CD300LD: variants seen among roughly 807,000 people sequenced by gnomAD.
The protein encoded by CD300LD is CD300 molecule like family member d.
CD300LD carries 18 observed loss-of-function variants against 20.3 expected under a neutral mutation model. The observed-to-expected ratio is 0.89, with a 90% CI of 0.61 to 1.32. The LOEUF is 1.32. CD300LD is among the 40% of genes most tolerant of loss of function. CD300LD has a pLI of 0.00. For synonymous variants in CD300LD, 104 were observed against 90.1 expected, an observed-to-expected ratio of 1.15 and a Z score of -0.87; for missense variants, 195 against 226.6, an observed-to-expected ratio of 0.86 and a Z score of 0.90.
In CD300LD at chr17:74,579,435, C is replaced by G. The variant is rs1049197992; in HGVS notation, c.*567G>C. Reference sequence around the variant, plus strand: ...CTCATGTTTTCTACTGCATTGGAGACCTCAGAAGGAAGAAGGGCTCTGTCA... The same window carrying G: ...CTCATGTTTTCTACTGCATTGGAGAGCTCAGAAGGAAGAAGGGCTCTGTCA... On this transcript the variant is annotated 3_prime_UTR_variant, in exon 4 of 4. Transcript: ENST00000375352. The G allele has an allele frequency of 2.6e-5, 4 of 152,364 alleles. No individual in the cohort carries two copies. The highest frequency in any genetic ancestry group is 9.7e-5 in the African/African-American group (4 of 41,388). The allele number at this position is 152,364 out of a possible 1,614,324, so 9.4% of individuals were successfully genotyped here. A position where few individuals can be genotyped will look rare whatever the true frequency, so the allele number is the denominator to read the frequency against.
chr17:74,583,653 C>T (rs2030087520), intron 2 of CD300LD, among the ~76,000 whole-genome samples: 1 of 151,882 alleles, frequency 6.6e-6, no homozygotes, highest in South Asian at 2.1e-4. Flanking sequence ...AGCTTTTGAG[C>T]TGGTTTCTTT....
At chr17:74,588,138 C>G (rs1337858802) in intron 2 of CD300LD, among the ~76,000 whole-genome samples, 1 of 152,178 alleles carries the variant, frequency 6.6e-6, no homozygotes, top group African/African-American at 2.4e-5. Flanking sequence ...CCCAAGGTGG[C>G]TCCAGGCACC....
chr17:74,588,490 C>T (rs754381841), intron 2 of CD300LD, 21 bp downstream of exon 2: 33 of 1,523,646 alleles, frequency 2.2e-5, no homozygotes, highest in South Asian at 1.9e-4. Flanking sequence ...GAGACACACA[C>T]GTATATACAC....
At position 74,579,960 on chromosome 17, in the gene CD300LD, A is replaced by G. The variant is rs566922865; in HGVS notation, c.*42T>C. On this transcript the variant is annotated 3_prime_UTR_variant, in exon 4 of 4. Coordinates refer to ENST00000375352, the MANE Select transcript of CD300LD (RefSeq NM_001115152.2). The stretch of plus-strand genomic sequence containing the variant: ...GCCTTTCGCCCTGGACAGGACGTCA[A>G]TGGGCATTGGGACTCTCATCATCGG... 1.0e-5 allele frequency: 13 copies of G among 1,258,846 alleles called. No homozygotes were observed. In the African/African-American group the frequency reaches 1.2e-4, roughly 11 times the overall value. 78.0% of individuals were successfully genotyped at this position (1,258,846 alleles called of 1,614,324 possible).
chr17:74,585,654 A>G (rs1306526772), intron 2 of CD300LD, among the ~76,000 whole-genome samples: 1 of 152,232 alleles, frequency 6.6e-6, no homozygotes, highest in African/African-American at 2.4e-5. Context: ...TGCTGAAGGA[A>G]TTGAAAGCGA....
chr17:74,580,169 C>G (rs2030002134), intron 3 of CD300LD, 56 bp from the exon 4 acceptor site: 1 of 1,127,182 alleles, frequency 8.9e-7, no homozygotes, highest in South Asian at 1.3e-5. Context: ...GGTCTCAGGT[C>G]TTCTCAGCTC....
rs976431721 is a variant in CD300LD at position 74,580,009 on chromosome 17, C to T, written c.578G>A (p.Arg193Lys). Residue 193 changes from arginine (R) to lysine (K), a missense_variant, in exon 4 of 4, where the codon AGG (arginine) becomes AAG (lysine). Physicochemically the swap from Arg to Lys is conservative, Grantham distance 26. Coordinates refer to ENST00000375352, the MANE Select transcript of CD300LD (RefSeq NM_001115152.2). The part of the protein sequence containing the change: ...TVLWVNRPQR[R>K]S Reference sequence around the variant, plus strand: ...GGGCTGACTCCTCCTCCTTCAAGACCTTCTTTGTGGTCTGTTTACCCAGAG... The same window carrying T: ...GGGCTGACTCCTCCTCCTTCAAGACTTTCTTTGTGGTCTGTTTACCCAGAG... 1 of 1,609,278 alleles carries T rather than the reference C, an allele frequency of 6.2e-7. No individual in the cohort carries two copies. Among genetic ancestry groups the T allele is most frequent in the Non-Finnish European group, 8.5e-7 (1 of 1,177,196 alleles).
intron 2 of CD300LD, among the ~76,000 whole-genome samples, chr17:74,582,665 G>C (rs115397532): frequency 6.6e-6 from 1 of 152,176 alleles, no homozygotes; most frequent in African/African-American, 2.4e-5. Context: ...TGATTCGGCG[G>C]CTGAGCTGGT....
intron 2 of CD300LD, among the ~76,000 whole-genome samples, chr17:74,587,640 T>C (rs547302846): frequency 6.6e-5 from 10 of 152,264 alleles, no homozygotes; most frequent in Admixed American, 2.6e-4. Context: ...ATCTTTTTTT[T>C]CCCTAGTATC....
chr17:74,580,283 C>A (rs1249883165), intron 3 of CD300LD, among the ~76,000 whole-genome samples, 170 bp from the exon 4 acceptor site: 2 of 152,214 alleles, frequency 1.3e-5, no homozygotes, highest in Non-Finnish European at 2.9e-5. Flanking sequence ...ACCAGCGAGG[C>A]TCCCAGTCCT....
In CD300LD at chr17:74,579,904, G is replaced by C. The variant is rs2143266621; in HGVS notation, c.*98C>G. ...TATCTCTAGAAAGAAAAAAAGAAGA[G>C]AAAAGAAAATGTTTTTTCTTCTGTG... is the stretch of plus-strand genomic sequence containing the variant. On this transcript the variant is annotated 3_prime_UTR_variant, in exon 4 of 4. Transcript: ENST00000375352. The C allele has an allele frequency of 2.9e-6, 2 of 694,282 alleles. No homozygotes were observed. The highest frequency in any genetic ancestry group is 2.8e-5 in the East Asian group (1 of 35,120). The allele number at this position is 694,282 out of a possible 1,614,324, so 43.0% of individuals were successfully genotyped here. A position where few individuals can be genotyped will look rare whatever the true frequency, so the allele number is the denominator to read the frequency against.
Position 74,580,041 on chromosome 17 carries a change from C to G in CD300LD, c.546G>C (p.Gly182=). The change falls in exon 4 of 4, where the codon GGG becomes GGC. Residue 182 remains glycine (G), a synonymous_variant. Coordinates refer to ENST00000375352, the MANE Select transcript of CD300LD (RefSeq NM_001115152.2). The part of the protein sequence containing the change: ...LELPLLLSML[G]TVLWVNRPQR... ...GTGGTCTGTTTACCCAGAGGACGGT[C>G]CCCAGCATGCTCAGGAGCAGAGGCA... 6.2e-7 allele frequency: 1 copy of G among 1,613,282 alleles called. No individual in the cohort carries two copies. The highest frequency in any genetic ancestry group is 8.5e-7 in the Non-Finnish European group (1 of 1,179,618).
intron 1 of CD300LD, chr17:74,591,838 G>C (rs1351848053): frequency 4.7e-6 from 1 of 214,694 alleles, no homozygotes; most frequent in Non-Finnish European, 8.6e-6. Context: ...AAAAAAAAAA[G>C]TTCTTCAAGA....
At chr17:74,589,837 G>C (rs888821751) in intron 1 of CD300LD, among the ~76,000 whole-genome samples, 1 of 152,226 alleles carries the variant, frequency 6.6e-6, no homozygotes, top group Non-Finnish European at 1.5e-5. Flanking sequence ...GCACATTGGA[G>C]CACTTGAAGA....
intron 3 of CD300LD, among the ~76,000 whole-genome samples, chr17:74,580,976 A>G (rs1445780338): frequency 6.6e-6 from 1 of 151,838 alleles, no homozygotes; most frequent in Non-Finnish European, 1.5e-5. Context: ...GAGCCCTCAG[A>G]TGATGGGACT....
intron 1 of CD300LD, 77 bp from the exon 2 acceptor site, chr17:74,588,926 G>T: frequency 2.0e-6 from 2 of 996,876 alleles, no homozygotes; most frequent in Admixed American, 2.2e-5. Flanking sequence ...GGGAGTAGCA[G>T]CCAAATCCAA....
chr17:74,579,583 C>G lies in CD300LD; in HGVS notation c.*419G>C. The G allele has an allele frequency of 6.0e-6, 1 of 165,570 alleles. No homozygotes were observed. The highest frequency in any genetic ancestry group is 1.3e-5 in the Non-Finnish European group (1 of 76,404). The allele number at this position is 165,570 out of a possible 1,614,324, so 10.3% of individuals were successfully genotyped here. ...TGCCTCTAGAACCACAGTCAATTCC[C>G]CATAGAAATGTTGTTTTTCTGCCAG... On this transcript the variant is annotated 3_prime_UTR_variant, in exon 4 of 4. Coordinates refer to ENST00000375352, the MANE Select transcript of CD300LD (RefSeq NM_001115152.2).
At position 74,592,213 on chromosome 17, in the gene CD300LD, C is replaced by T. The variant is rs146649830; in HGVS notation, c.-11G>A. On this transcript the variant is annotated 5_prime_UTR_variant, in exon 1 of 4. Transcript: ENST00000375352. ...TGGGGACAGCCACATGGTCCTGTCT[C>T]CTCTCCTCTCCTTGGTGATCACAGG... 1,282 of 1,609,136 alleles carry T rather than the reference C, an allele frequency of 8.0e-4. 1 individual carries two copies. Among genetic ancestry groups the T allele is most frequent in the Non-Finnish European group, 1.0e-3 (1,184 of 1,175,718 alleles).
At chr17:74,580,548 G>A (rs1181259121) in intron 3 of CD300LD, among the ~76,000 whole-genome samples, 2 of 152,186 alleles carry the variant, frequency 1.3e-5, no homozygotes, top group African/African-American at 4.8e-5. Context: ...CTTGGAGGCT[G>A]ACCTTGCTCT....
Sources: allele counts gnomAD v4.1 joint callset (sites outside exome capture counted in the v4.1 genomes callset), GRCh38; gene constraint gnomAD v4.1.1; transcripts MANE v1.5; gene names NCBI Gene and HGNC (gene_info 2026-07-23, HGNC 2026-07-21).